The following GSAP variants were observed in gnomAD, a reference collection of about 807,000 sequenced individuals.
GSAP encodes gamma-secretase activating protein.
Under a neutral mutation model 131.7 loss-of-function variants are expected in GSAP, and 118 were observed. The observed-to-expected ratio is 0.90, with a 90% CI of 0.77 to 1.04. The LOEUF is 1.04. Among genes scored for constraint, GSAP ranks in the 50% least tolerant of loss-of-function variants. The pLI, the probability that GSAP is intolerant of heterozygous loss-of-function variation, is 0.00. For synonymous variants in GSAP, 381 were observed against 363.4 expected (o/e 1.05, Z -0.55); for missense variants, 1,019 against 1,013.2 (o/e 1.01, Z -0.08).
At chr7:77,322,482 C>A (rs983407828) in intron 24 of GSAP, among the ~76,000 whole-genome samples, 1 of 151,630 alleles carries the variant, frequency 6.6e-6, no homozygotes, top group African/African-American at 2.4e-5. Flanking sequence ...AGAAAAATGA[C>A]GCTTGAATGG....
Position 77,349,344 on chromosome 7 carries a change from G to C in GSAP, c.1545+7C>G, listed in dbSNP as rs1280394766. Reference sequence around the variant, plus strand: ...TGTACTTTTGTTTCTTGCTGTAAGGGACCTACCTTCATAAGAGGCAATGCA... The same window carrying C: ...TGTACTTTTGTTTCTTGCTGTAAGGCACCTACCTTCATAAGAGGCAATGCA... On this transcript the variant is annotated splice_region_variant and intron_variant, in intron 19 of 30. Coordinates refer to ENST00000257626, the MANE Select transcript of GSAP (RefSeq NM_017439.4). 5 of 1,599,612 alleles carry C rather than the reference G, an allele frequency of 3.1e-6. No individual in the cohort carries two copies. In the African/African-American group the frequency reaches 4.0e-5, roughly 13 times the overall value.
At chr7:77,378,901 G>C (rs537074998) in intron 8 of GSAP, among the ~76,000 whole-genome samples, 14 of 152,258 alleles carry the variant, frequency 9.2e-5, no homozygotes, top group African/African-American at 3.4e-4. Flanking sequence ...GAGGAAAAAA[G>C]GAAACACCAG....
intron 16 of GSAP, among the ~76,000 whole-genome samples, chr7:77,354,953 A>G (rs917520759): frequency 6.6e-6 from 1 of 152,210 alleles, no homozygotes; most frequent in African/African-American, 2.4e-5. Flanking sequence ...TGAGCTCTTC[A>G]TTGAAATATT....
chr7:77,340,464 G>A (rs539381117), intron 19 of GSAP, among the ~76,000 whole-genome samples: 4 of 152,226 alleles, frequency 2.6e-5, no homozygotes, highest in African/African-American at 9.6e-5. Flanking sequence ...CTACAACCTT[G>A]GGTCCTCAGA....
chr7:77,386,699 A>G (rs1415480180), intron 6 of GSAP, among the ~76,000 whole-genome samples: 2 of 152,192 alleles, frequency 1.3e-5, no homozygotes, highest in Non-Finnish European at 2.9e-5. Context: ...CGCCAGGAAA[A>G]AGCACAAAAA....
rs375426636 is a variant in GSAP, at chr7:77,355,644, T to C, written c.1031A>G (p.Tyr344Cys). Reference protein sequence around the residue: ...TKGITFLNLDYYVAVYLPGHF... With the variant: ...TKGITFLNLDCYVAVYLPGHF... ...ACCAGGTAAGTAAACAGCCACATAA[T>C]AGTCTATAGAAGAGAAAGATTTACA... is the stretch of plus-strand genomic sequence containing the variant. Residue 344 changes from tyrosine (Y) to cysteine (C), a missense_variant, in exon 15 of 31, where the codon TAT (tyrosine) becomes TGT (cysteine). Physicochemically the swap from Tyr to Cys is radical, Grantham distance 194. Transcript: ENST00000257626. 8.4e-6 allele frequency: 13 copies of C among 1,544,176 alleles called. No individual in the cohort carries two copies. The highest frequency in any genetic ancestry group is 6.7e-5 in the East Asian group (3 of 44,576).
chr7:77,341,708 C>T (rs1252919096), intron 19 of GSAP, among the ~76,000 whole-genome samples: 1 of 152,184 alleles, frequency 6.6e-6, no homozygotes, highest in Non-Finnish European at 1.5e-5. Context: ...TTTTATTACC[C>T]AATCCACTCC....
intron 12 of GSAP, among the ~76,000 whole-genome samples, chr7:77,367,875 G>C (rs578145328): frequency 5.3e-5 from 8 of 152,158 alleles, no homozygotes; most frequent in African/African-American, 1.4e-4. Flanking sequence ...GATTCAATTT[G>C]GGAGCTTATT....
intron 6 of GSAP, among the ~76,000 whole-genome samples, chr7:77,385,497 C>T (rs1012170215): frequency 2.0e-5 from 3 of 152,106 alleles, no homozygotes; most frequent in Admixed American, 1.3e-4. Flanking sequence ...TTAGTTACCC[C>T]AATCCTTCAG....
rs143107394 is a variant in GSAP, at chr7:77,348,936, CTGTG to C, written c.1545+411_1545+414del. On this transcript the variant is annotated intron_variant, in intron 19 of 30. Transcript: ENST00000257626. ...CTTAATGGTTTTAAGACTGGAAATT[CTGTG>C]TGTGTGTGTGTGTGCACGTGCACGT... 3.0e-3 allele frequency among the ~76,000 whole-genome samples: 458 copies of C among 151,072 alleles called. 1 individual carries two copies. Among genetic ancestry groups the C allele is most frequent in the African/African-American group, 7.0e-3 (289 of 41,294 alleles).
chr7:77,386,779 G>A (rs1563089552), intron 6 of GSAP, among the ~76,000 whole-genome samples: 2 of 152,190 alleles, frequency 1.3e-5, no homozygotes, highest in Non-Finnish European at 2.9e-5. Context: ...AAAAGGCAGG[G>A]CATCACCGTG....
At chr7:77,362,465 T>G in intron 13 of GSAP, 118 bp downstream of exon 13, 1 of 622,156 alleles carries the variant, frequency 1.6e-6, no homozygotes, top group East Asian at 2.8e-5. Flanking sequence ...CCAGCCTGGG[T>G]GACAAAGGGA....
At chr7:77,414,314 G>A (rs1414668665) in intron 1 of GSAP, among the ~76,000 whole-genome samples, 1 of 152,232 alleles carries the variant, frequency 6.6e-6, no homozygotes, top group East Asian at 1.9e-4. Context: ...TAACTGCTGT[G>A]CTAGAAATGA....
chr7:77,356,396 T>C (rs1345206946), intron 14 of GSAP, among the ~76,000 whole-genome samples: 2 of 152,200 alleles, frequency 1.3e-5, no homozygotes, highest in African/African-American at 4.8e-5. Context: ...GGGAATTTTC[T>C]TCATAATTTC....
In GSAP at chr7:77,375,085, T is replaced by A; in HGVS notation, c.758A>T (p.Asp253Val). ...SYNLMFEVPL[D>V]ISLSNSGFKL... is the part of the protein sequence containing the mutation. ...AAATCCTGAGTTGCTTAATGATATG[T>A]CCAAGGGTACTTCAAACTGTCAAAA... Residue 253 changes from aspartate to valine, a missense_variant, in exon 11 of 31, where the codon GAC becomes GTC. Physicochemically the swap from Asp to Val is radical, Grantham distance 152. Coordinates refer to ENST00000257626, the MANE Select transcript of GSAP (RefSeq NM_017439.4). 6.4e-7 allele frequency: 1 copy of A among 1,560,394 alleles called. No homozygotes were observed. The highest frequency in any genetic ancestry group is 8.8e-7 in the Non-Finnish European group (1 of 1,137,534).
intron 12 of GSAP, among the ~76,000 whole-genome samples, chr7:77,367,037 G>C (rs28819727): frequency 0.12 from 18,988 of 152,152 alleles, 1,743 homozygotes; most frequent in East Asian, 0.44. Flanking sequence ...GCTCTTGTTG[G>C]TGTAAAGAAA....
intron 1 of GSAP, among the ~76,000 whole-genome samples, chr7:77,412,667 A>G (rs1803483896): frequency 6.6e-6 from 1 of 152,034 alleles, no homozygotes; most frequent in Admixed American, 6.6e-5. Context: ...AGGAAAGTGG[A>G]CAAAAGGATG....
chr7:77,368,654 G>A (rs1469183386), intron 12 of GSAP, among the ~76,000 whole-genome samples: 1 of 152,206 alleles, frequency 6.6e-6, no homozygotes, highest in Admixed American at 6.5e-5. Flanking sequence ...TGTGAGTCCT[G>A]CTTTTGGCTT....
At chr7:77,331,006 T>C (rs1405303325) in intron 19 of GSAP, among the ~76,000 whole-genome samples, 2 of 152,228 alleles carry the variant, frequency 1.3e-5, no homozygotes, top group Non-Finnish European at 1.5e-5. Context: ...AATAATAAAA[T>C]GCAATGTTAA....
Sources: gnomAD v4.1 joint callset for allele counts (sites outside exome capture counted in the v4.1 genomes callset) on GRCh38, gnomAD v4.1.1 for gene constraint, MANE v1.5 for transcripts, NCBI Gene and HGNC (gene_info 2026-07-23, HGNC 2026-07-21) for gene names.